Variants in RNGTT observed in about 807,000 individuals in gnomAD.
The protein encoded by RNGTT is mRNA-capping enzyme.
In RNGTT, 33 loss-of-function variants were observed where a neutral mutation model predicts 79.3. The observed-to-expected ratio is 0.42, with a 90% CI of 0.32 to 0.56. The LOEUF (loss-of-function observed/expected upper bound fraction) is 0.56. RNGTT is among the 20% of genes least tolerant of loss of function. The pLI, the probability that RNGTT is intolerant of heterozygous loss-of-function variation, is 0.17. For missense variants in RNGTT, 497 were observed against 739.1 expected (o/e 0.67, Z 3.80); for synonymous variants, 222 against 235.9 (o/e 0.94, Z 0.54).
chr6:88,767,511 G>GT (rs1778500095), intron 13 of RNGTT, among the ~76,000 whole-genome samples: 1 of 151,752 alleles, frequency 6.6e-6, no homozygotes, highest in Non-Finnish European at 1.5e-5. Flanking sequence ...AAAGGCAAAA[G>GT]TAAGTTGTTT....
intron 14 of RNGTT, among the ~76,000 whole-genome samples, chr6:88,675,434 G>T (rs1774832424): frequency 6.6e-6 from 1 of 152,170 alleles, no homozygotes; most frequent in Non-Finnish European, 1.5e-5. Context: ...GCTCATGCCT[G>T]TAATCCTACT....
intron 8 of RNGTT, among the ~76,000 whole-genome samples, chr6:88,886,265 C>G (rs1327592898): frequency 6.6e-6 from 1 of 151,852 alleles, no homozygotes; most frequent in Non-Finnish European, 1.5e-5. Flanking sequence ...GAGATCGCGC[C>G]ACTGTACTCC....
intron 4 of RNGTT, among the ~76,000 whole-genome samples, chr6:88,913,266 C>T (rs1783895386): frequency 6.6e-6 from 1 of 150,566 alleles, no homozygotes; most frequent in Non-Finnish European, 1.5e-5. Context: ...ATTCCCAGCC[C>T]AATTCTACCA....
intron 12 of RNGTT, among the ~76,000 whole-genome samples, chr6:88,795,629 C>A (rs1779572579): frequency 6.6e-6 from 1 of 151,944 alleles, no homozygotes; most frequent in African/African-American, 2.4e-5. Context: ...CACGTGTATA[C>A]CTATGTAACA....
intron 14 of RNGTT, among the ~76,000 whole-genome samples, chr6:88,648,473 T>TAAG (rs1421397391): frequency 2.8e-5 from 4 of 145,228 alleles, no homozygotes; most frequent in African/African-American, 1.0e-4. Context: ...TAAAGTATTA[T>TAAG]AATAATAATA....
intron 14 of RNGTT, among the ~76,000 whole-genome samples, chr6:88,675,102 GAAA>G (rs10554864): frequency 0.028 from 2,935 of 106,638 alleles, 84 homozygotes; most frequent in African/African-American, 0.075. Context: ...CGTCTCAGAA[GAAA>G]AAAAAAAAAA....
At chr6:88,707,643 T>G (rs1776174713) in intron 13 of RNGTT, among the ~76,000 whole-genome samples, 1 of 150,320 alleles carries the variant, frequency 6.7e-6, no homozygotes, top group African/African-American at 2.5e-5. Flanking sequence ...AACTCATGGG[T>G]GAATGCCACA....
At chr6:88,696,299 AT>A (rs1334358965) in intron 13 of RNGTT, among the ~76,000 whole-genome samples, 3 of 152,198 alleles carry the variant, frequency 2.0e-5, no homozygotes, top group South Asian at 2.1e-4. Flanking sequence ...CAATAAAAAA[AT>A]CTCTAAATTG....
At chr6:88,648,497 A>T (rs2610745) in intron 14 of RNGTT, among the ~76,000 whole-genome samples, 13,535 of 120,764 alleles carry the variant, frequency 0.11, 1,725 homozygotes, top group African/African-American at 0.34. Flanking sequence ...ATAATAATAA[A>T]AAATTCTAAC....
chr6:88,668,094 A>C (rs1582304225), intron 14 of RNGTT, among the ~76,000 whole-genome samples: 1 of 152,188 alleles, frequency 6.6e-6, no homozygotes, highest in East Asian at 1.9e-4. Context: ...TGGGTAAATG[A>C]GAGATGCCCC....
intron 13 of RNGTT, among the ~76,000 whole-genome samples, chr6:88,719,632 A>G (rs1318481721): frequency 6.6e-6 from 1 of 152,206 alleles, no homozygotes; most frequent in Non-Finnish European, 1.5e-5. Flanking sequence ...TACCTTGTAC[A>G]TTTATTCAGC....
At chr6:88,732,513 C>A (rs1777150747) in intron 13 of RNGTT, among the ~76,000 whole-genome samples, 1 of 152,048 alleles carries the variant, frequency 6.6e-6, no homozygotes, top group Non-Finnish European at 1.5e-5. Context: ...GGGTATTTAC[C>A]CAAAATAACT....
At chr6:88,666,747 C>T (rs1482164492) in intron 14 of RNGTT, among the ~76,000 whole-genome samples, 2 of 152,128 alleles carry the variant, frequency 1.3e-5, no homozygotes, top group Non-Finnish European at 2.9e-5. Context: ...GAGAGATGTC[C>T]GCTGGATATG....
At chr6:88,908,191 GAA>G (rs1783718090) in intron 4 of RNGTT, among the ~76,000 whole-genome samples, 1 of 152,044 alleles carries the variant, frequency 6.6e-6, no homozygotes, top group African/African-American at 2.4e-5. Context: ...GCTTAGAGTA[GAA>G]AAAGTTTCTT....
intron 12 of RNGTT, among the ~76,000 whole-genome samples, chr6:88,786,461 C>T (rs1012588452): frequency 1.3e-5 from 2 of 152,012 alleles, no homozygotes; most frequent in African/African-American, 4.8e-5. Context: ...TTTTAAGTGA[C>T]GAATGGCCAA....
At chr6:88,766,983 T>C (rs1778483181) in intron 13 of RNGTT, among the ~76,000 whole-genome samples, 1 of 152,148 alleles carries the variant, frequency 6.6e-6, no homozygotes, top group South Asian at 2.1e-4. Context: ...AATACTGAGT[T>C]AATGCTAAGC....
At chr6:88,789,892 G>C (rs1224819756) in intron 12 of RNGTT, among the ~76,000 whole-genome samples, 1 of 152,100 alleles carries the variant, frequency 6.6e-6, no homozygotes, top group Non-Finnish European at 1.5e-5. Flanking sequence ...TCCCTTTCTT[G>C]ATTTACTTGA....
intron 2 of RNGTT, among the ~76,000 whole-genome samples, chr6:88,932,905 A>C (rs952055356): frequency 2.0e-5 from 3 of 152,178 alleles, no homozygotes; most frequent in African/African-American, 7.2e-5. Context: ...CATATACTCT[A>C]ATATAAAAAA....
At chr6:88,756,970 C>CA (rs1778038318) in intron 13 of RNGTT, among the ~76,000 whole-genome samples, 1 of 151,996 alleles carries the variant, frequency 6.6e-6, no homozygotes, top group East Asian at 1.9e-4. Context: ...AATTTTATCA[C>CA]AAAAAAACAA....
Sources: allele counts gnomAD v4.1 joint callset (sites outside exome capture counted in the v4.1 genomes callset), GRCh38; gene constraint gnomAD v4.1.1; transcripts MANE v1.5; gene names NCBI Gene and HGNC (gene_info 2026-07-23, HGNC 2026-07-21).